The following NCKAP5 variants were observed in gnomAD, a reference collection of about 807,000 sequenced individuals.
NCKAP5 encodes nck-associated protein 5.
Under a neutral mutation model 167.0 loss-of-function variants are expected in NCKAP5, and 92 were observed. The observed-to-expected ratio is 0.55, with a 90% CI of 0.47 to 0.66. The LOEUF (loss-of-function observed/expected upper bound fraction) is 0.66, where lower values mean the gene tolerates loss of function less well. NCKAP5 is among the 30% of genes least tolerant of loss of function. NCKAP5 has a pLI of 0.00. For synonymous variants in NCKAP5, 891 were observed against 877.4 expected, an observed-to-expected ratio of 1.02 and a Z score of -0.27; for missense variants, 2,378 against 2,315.0, an observed-to-expected ratio of 1.03 and a Z score of -0.56.
chr2:132,878,948 A>G lies in NCKAP5; in HGVS notation c.580-32T>C, dbSNP rs373704448. On this transcript the variant is annotated intron_variant, in intron 8 of 19. Coordinates refer to ENST00000409261, the MANE Select transcript of NCKAP5 (RefSeq NM_207363.3). ...TAAGATACAAAAATAACACAAATAA[A>G]TCAATGAAATGTTGTGTTATGTGAC... 1.6e-4 allele frequency: 247 copies of G among 1,537,382 alleles called. 3 individuals carry two copies. The South Asian group carries it at 2.7e-3, about 17-fold the overall frequency.
chr2:133,639,705 C>G, the NCKAP5 span, among the ~76,000 whole-genome samples: 1 of 152,118 alleles, frequency 6.6e-6, no homozygotes, highest in African/African-American at 2.4e-5. Flanking sequence ...CAGTGCATCT[C>G]AAAGCCCTTG....
chr2:133,465,115 G>A (rs923998396), intron 3 of NCKAP5, among the ~76,000 whole-genome samples: 10 of 150,088 alleles, frequency 6.7e-5, no homozygotes, highest in Non-Finnish European at 1.2e-4. Flanking sequence ...CCACTAACTC[G>A]TCATCTAGCA....
chr2:133,217,768 C>G (rs961180852), intron 4 of NCKAP5, among the ~76,000 whole-genome samples: 1 of 152,090 alleles, frequency 6.6e-6, no homozygotes. Context: ...ACTTGCCTGG[C>G]ATAACAGAAT....
intron 6 of NCKAP5, among the ~76,000 whole-genome samples, chr2:133,109,886 A>G (rs2081851696): frequency 6.6e-6 from 1 of 152,242 alleles, no homozygotes; most frequent in Non-Finnish European, 1.5e-5. Context: ...GTACCAAGTA[A>G]TCGCAGAAAC....
chr2:133,183,292 C>A (rs534552164), intron 5 of NCKAP5, among the ~76,000 whole-genome samples: 2 of 151,860 alleles, frequency 1.3e-5, no homozygotes, highest in East Asian at 3.9e-4. Flanking sequence ...GATACTAAAA[C>A]GAGATAAAGG....
chr2:133,002,214 ATGG>A (rs1422017133), intron 6 of NCKAP5, among the ~76,000 whole-genome samples: 4 of 152,192 alleles, frequency 2.6e-5, no homozygotes, highest in Non-Finnish European at 4.4e-5. Flanking sequence ...CTTCTTAGCC[ATGG>A]GGGATATGTT....
intron 11 of NCKAP5, 91 bp from the exon 12 acceptor site, chr2:132,796,820 G>T: frequency 1.2e-6 from 1 of 863,864 alleles, no homozygotes; most frequent in South Asian, 1.6e-5. Flanking sequence ...CAAAAGACTT[G>T]ACATTTCCAG....
At chr2:133,663,814 A>G in the NCKAP5 span, among the ~76,000 whole-genome samples, 1 of 151,982 alleles carries the variant, frequency 6.6e-6, no homozygotes, top group Non-Finnish European at 1.5e-5. Flanking sequence ...GGTGAAATCA[A>G]CTTCTTCCAA....
chr2:133,078,589 G>GT (rs1239131232), intron 6 of NCKAP5, among the ~76,000 whole-genome samples: 1 of 152,126 alleles, frequency 6.6e-6, no homozygotes, highest in East Asian at 1.9e-4. Flanking sequence ...TCAATACAGT[G>GT]TGAGAGTAGA....
intron 19 of NCKAP5, among the ~76,000 whole-genome samples, chr2:132,709,496 A>G (rs1220128906): frequency 6.6e-6 from 1 of 152,054 alleles, no homozygotes; most frequent in African/African-American, 2.4e-5. Context: ...TATTAATAAA[A>G]AGGACAAATA....
intron 8 of NCKAP5, among the ~76,000 whole-genome samples, chr2:132,920,773 A>ATGTATGTATGTATG (rs1175958033): frequency 2.6e-4 from 1 of 3,830 alleles, no homozygotes; most frequent in African/African-American, 4.6e-4. Flanking sequence ...ATATGTATGT[A>ATGTATGTATGTATG]TATATATATA....
chr2:133,280,789 G>A (rs150001085), intron 4 of NCKAP5, among the ~76,000 whole-genome samples: 3 of 152,118 alleles, frequency 2.0e-5, no homozygotes, highest in African/African-American at 7.2e-5. Flanking sequence ...GTTCACTTAC[G>A]TATCCTTTGT....
intron 3 of NCKAP5, among the ~76,000 whole-genome samples, chr2:133,487,927 A>G (rs1212257320): frequency 6.6e-6 from 1 of 152,188 alleles, no homozygotes; most frequent in Non-Finnish European, 1.5e-5. Flanking sequence ...GCTCCAACAG[A>G]AGCCATTTAG....
chr2:133,213,668 A>C, intron 5 of NCKAP5, 48 bp downstream of exon 5: 28 of 1,588,618 alleles, frequency 1.8e-5, no homozygotes, highest in Non-Finnish European at 2.1e-5. Flanking sequence ...CTTTCAAGCC[A>C]GAGACCTCTG....
intron 6 of NCKAP5, among the ~76,000 whole-genome samples, chr2:133,096,987 T>C (rs1224223698): frequency 2.0e-5 from 3 of 152,208 alleles, no homozygotes. Context: ...ATGTCCCTAA[T>C]GTAAGTTCTT....
chr2:132,728,233 T>C (rs1044180415), intron 18 of NCKAP5, among the ~76,000 whole-genome samples: 4 of 152,066 alleles, frequency 2.6e-5, no homozygotes, highest in African/African-American at 9.7e-5. Context: ...CCACTAGGAA[T>C]GAGCAAGGAG....
In NCKAP5 at chr2:132,860,541, CT is replaced by C; in HGVS notation, c.757del (p.Ser253AlafsTer41). On this transcript the variant is annotated frameshift_variant, in exon 11 of 20. Coordinates refer to ENST00000409261, the MANE Select transcript of NCKAP5 (RefSeq NM_207363.3). LOFTEE classifies it high-confidence loss of function. ...TCTGACTCGCTGTTGGAATAGGATG[CT>C]TAGTGTTCGATTCTGCTGTTCCAAA... ...FDLEQQNRTL[S>X]ILFQQRVRPT... 6.3e-7 allele frequency: 1 copy of C among 1,588,504 alleles called. No individual in the cohort carries two copies. The highest frequency in any genetic ancestry group is 1.1e-5 in the South Asian group (1 of 86,958).
At chr2:133,091,721 A>C (rs1486967626) in intron 6 of NCKAP5, among the ~76,000 whole-genome samples, 7 of 152,052 alleles carry the variant, frequency 4.6e-5, no homozygotes, top group Non-Finnish European at 8.8e-5. Context: ...ACCCGTCTCT[A>C]CCAAAAATAC....
chr2:133,043,800 C>T (rs953033809), intron 6 of NCKAP5, among the ~76,000 whole-genome samples: 2 of 151,956 alleles, frequency 1.3e-5, no homozygotes, highest in African/African-American at 4.8e-5. Flanking sequence ...ATACTTTATT[C>T]TCTTATTGAA....
Sources: allele counts gnomAD v4.1 joint callset (sites outside exome capture counted in the v4.1 genomes callset), GRCh38; gene constraint gnomAD v4.1.1; transcripts MANE v1.5; gene names NCBI Gene and HGNC (gene_info 2026-07-23, HGNC 2026-07-21).